The following CDHR5 variants were observed in gnomAD, a reference collection of about 807,000 sequenced individuals.
The protein encoded by CDHR5 is cadherin related family member 5, also known as cadherin-related family member 5.
In CDHR5, 82 loss-of-function variants were observed where a neutral mutation model predicts 69.5. The ratio of observed to expected loss-of-function variants is 1.18; its 90% CI spans 0.99 to 1.42. The LOEUF (loss-of-function observed/expected upper bound fraction) is 1.42, where lower values mean the gene tolerates loss of function less well. Ranked by LOEUF, CDHR5 falls within the 40% of genes most tolerant of loss-of-function variation. The probability of loss-of-function intolerance (pLI) is 0.00; values close to 1 mark genes in which losing one functional copy is unlikely to be tolerated. For missense variants in CDHR5, 1,293 were observed against 1,168.9 expected (o/e 1.11, Z -1.55); for synonymous variants, 601 against 510.2 (o/e 1.18, Z -2.40).
In CDHR5 at chr11:621,505, C is replaced by T. The variant is rs756604724; in HGVS notation, c.508-50G>A. The T allele has an allele frequency of 1.1e-5, 18 of 1,590,936 alleles. No homozygotes were observed. The Admixed American group carries it at 1.3e-4, about 12-fold the overall frequency. On this transcript the variant is annotated intron_variant, in intron 5 of 14. Transcript: ENST00000397542. This position sits in a 1 kb window ranked among gnomAD's most constrained non-coding sequence, Gnocchi z 4.4. ...GCCTAAGAGCCTTGGAGGGCGAGGGCGGCTGTGGGTGTCAGAGGCGAGGGG... is the reference window on the plus strand; with the variant it reads ...GCCTAAGAGCCTTGGAGGGCGAGGGTGGCTGTGGGTGTCAGAGGCGAGGGG...
chr11:618,379 G>A (rs61877858), intron 13 of CDHR5, among the ~76,000 whole-genome samples: 5,650 of 152,298 alleles, frequency 0.037, 176 homozygotes, highest in Admixed American at 0.11. Context: ...CGTGGGAATC[G>A]TGGGATTCGC....
chr11:617,090 G>C lies in CDHR5; in HGVS notation c.*261C>G. 1 of 523,432 alleles carries C rather than the reference G, an allele frequency of 1.9e-6. No individual in the cohort carries two copies. The highest frequency in any genetic ancestry group is 2.8e-5 in the South Asian group (1 of 36,348). 32.4% of individuals were successfully genotyped at this position (523,432 alleles called of 1,614,324 possible). A position where few individuals can be genotyped will look rare whatever the true frequency, so the allele number is the denominator to read the frequency against. On this transcript the variant is annotated 3_prime_UTR_variant, in exon 15 of 15. Coordinates refer to ENST00000397542, the MANE Select transcript of CDHR5 (RefSeq NM_021924.5). The stretch of plus-strand genomic sequence containing the variant: ...GGCACAGAGCCTCGGGAAGGCGGCG[G>C]GCACTGCAGGTGGTTTACGGGAAGT...
At chr11:620,201 T>G (rs1564897213) in intron 8 of CDHR5, 37 bp from the exon 9 acceptor site, 1 of 1,596,306 alleles carries the variant, frequency 6.3e-7, no homozygotes, top group African/African-American at 1.3e-5. Flanking sequence ...CCCGGCCCCC[T>G]GAGGCCCAGG....
chr11:618,056 G>C lies in CDHR5; in HGVS notation c.2016C>G (p.Gly672=). The change falls in exon 14 of 15, where the codon GGC becomes GGG. Residue 672 remains glycine, a synonymous_variant. Coordinates refer to ENST00000397542, the MANE Select transcript of CDHR5 (RefSeq NM_021924.5). The part of the protein sequence containing the change: ...RFSVVDMAAL[G]GVLGALLLLA... ...GCAGCAGCAGCGCACCCAGCACCCC[G>C]CCCAGGGCCGCCATATCCACCACCG... 1 of 1,611,794 alleles carries C rather than the reference G, an allele frequency of 6.2e-7. No homozygotes were observed. The highest frequency in any genetic ancestry group is 1.3e-5 in the African/African-American group (1 of 74,976).
chr11:616,980 T>A lies in CDHR5; in HGVS notation c.*371A>T, dbSNP rs1002491176. The A allele has an allele frequency of 2.3e-5, 6 of 263,976 alleles. No homozygotes were observed. The East Asian group carries it at 3.1e-4, about 13-fold the overall frequency. 16.4% of individuals were successfully genotyped at this position (263,976 alleles called of 1,614,324 possible). A position where few individuals can be genotyped will look rare whatever the true frequency, so the allele number is the denominator to read the frequency against. On this transcript the variant is annotated 3_prime_UTR_variant, in exon 15 of 15. Coordinates refer to ENST00000397542, the MANE Select transcript of CDHR5 (RefSeq NM_021924.5). ...AGCGGGAGGTCTGAGATGAGCCGGG[T>A]GCCTGAGATCTCCGGTGCAGGTCGG...
At position 617,584 on chromosome 11, in the gene CDHR5, C is replaced by G. The variant is rs370576784; in HGVS notation, c.2305G>C (p.Gly769Arg). Reference protein sequence around the residue: ...PEPPAAARAGGSPTAVRSILT... With the variant: ...PEPPAAARAGRSPTAVRSILT... ...ATGGACCTCACCGCCGTGGGGCTTCCGCCAGCTCGGGCCGCTGCGGGGGGC... is the reference window on the plus strand; with the variant it reads ...ATGGACCTCACCGCCGTGGGGCTTCGGCCAGCTCGGGCCGCTGCGGGGGGC... Residue 769 changes from glycine (G) to arginine (R), a missense_variant, in exon 15 of 15, where the codon GGA becomes CGA. Gly to Arg is a moderately radical substitution (Grantham distance 125). Coordinates refer to ENST00000397542, the MANE Select transcript of CDHR5 (RefSeq NM_021924.5). 6.2e-7 allele frequency: 1 copy of G among 1,610,494 alleles called. No individual in the cohort carries two copies. Among genetic ancestry groups the G allele is most frequent in the Non-Finnish European group, 8.5e-7 (1 of 1,178,836 alleles).
In CDHR5 at chr11:619,863, C is replaced by T. The variant is rs778272100; in HGVS notation, c.997G>A (p.Ala333Thr). 5 of 1,550,426 alleles carry T rather than the reference C, an allele frequency of 3.2e-6. No homozygotes were observed. The highest frequency in any genetic ancestry group is 4.3e-6 in the Non-Finnish European group (5 of 1,151,568). Residue 333 changes from alanine to threonine, a missense_variant, in exon 10 of 15, where the codon GCC becomes ACC. Physicochemically the swap from Ala to Thr is moderately conservative, Grantham distance 58 (BLOSUM62 0). Coordinates refer to ENST00000397542, the MANE Select transcript of CDHR5 (RefSeq NM_021924.5). ...LLVKGQQADL[A>T]RYSVTQVTVE... ...GTGACCTGGGTCACTGAGTAGCGGG[C>T]AAGGTCGGCCTGTTGGCCCTGGAGG... is the stretch of plus-strand genomic sequence containing the variant.
chr11:618,568 CAG>C, intron 13 of CDHR5, 29 bp downstream of exon 13: 1 of 1,611,346 alleles, frequency 6.2e-7, no homozygotes, highest in Non-Finnish European at 8.5e-7. Flanking sequence ...TGACCGGAGT[CAG>C]GGAGGGAAGG....
rs184682723 is a variant in CDHR5 at position 619,995 on chromosome 11, C to G, written c.978+72G>C. On this transcript the variant is annotated intron_variant, in intron 9 of 14. Coordinates refer to ENST00000397542, the MANE Select transcript of CDHR5 (RefSeq NM_021924.5). ...TGGCGGGGGCCCTGCCCCGGCCCCC[C>G]AGCCCTGACCCCCCGCCCTACCTTC... The G allele has an allele frequency of 3.4e-3, 4,271 of 1,249,112 alleles. 12 individuals carry two copies. The highest frequency in any genetic ancestry group is 4.2e-3 in the Non-Finnish European group (3,851 of 911,668). The allele number at this position is 1,249,112 out of a possible 1,614,324, so 77.4% of individuals were successfully genotyped here.
chr11:624,613 A>C lies in CDHR5; in HGVS notation c.205T>G (p.Phe69Val), dbSNP rs1191462766. Residue 69 changes from phenylalanine (F) to valine (V), a missense_variant, in exon 2 of 15, where the codon TTT becomes GTT. Transcript: ENST00000397542. This position sits in a 1 kb window ranked among gnomAD's most constrained non-coding sequence, Gnocchi z 5.3. ...TGGTTTCCCTGGATCCGAAATGCAAAGGGGGTGGACAAGGCTCCGAGGGTC... is the reference window on the plus strand; with the variant it reads ...TGGTTTCCCTGGATCCGAAATGCAACGGGGGTGGACAAGGCTCCGAGGGTC... ...EVTLGALSTP[F>V]AFRIQGNQLF... 1.9e-6 allele frequency: 3 copies of C among 1,612,452 alleles called. No individual in the cohort carries two copies. Among genetic ancestry groups the C allele is most frequent in the Non-Finnish European group, 2.5e-6 (3 of 1,178,808 alleles).
chr11:618,551 C>T (rs757699543), intron 13 of CDHR5, 48 bp downstream of exon 13: 9 of 1,602,242 alleles, frequency 5.6e-6, no homozygotes, highest in African/African-American at 1.3e-5. Context: ...TTTCCCATAC[C>T]AGCCAATGAC....
At position 619,195 on chromosome 11, in the gene CDHR5, C is replaced by A; in HGVS notation, c.1379-15G>T. On this transcript the variant is annotated splice_polypyrimidine_tract_variant and intron_variant, in intron 12 of 14. Coordinates refer to ENST00000397542, the MANE Select transcript of CDHR5 (RefSeq NM_021924.5). ...TGGGGGGACATCTGGGGGCCGGGAACAGTGCTTGGGCTTGCCTCTGCCCGC... is the reference window on the plus strand; with the variant it reads ...TGGGGGGACATCTGGGGGCCGGGAAAAGTGCTTGGGCTTGCCTCTGCCCGC... The A allele has an allele frequency of 6.6e-7, 1 of 1,505,370 alleles. No homozygotes were observed. The highest frequency in any genetic ancestry group is 2.3e-5 in the East Asian group (1 of 43,212). The allele number at this position is 1,505,370 out of a possible 1,614,324, so 93.3% of individuals were successfully genotyped here.
rs369394657 is a variant in CDHR5, at chr11:617,337, G to T, written c.*14C>A. The T allele has an allele frequency of 2.7e-5, 43 of 1,574,056 alleles. No individual in the cohort carries two copies. The African/African-American group carries it at 5.1e-4, about 19-fold the overall frequency. ...CAGTGCCCGTGCGGCTGGGGGAGAG[G>T]GTGGAGGGGCCACTTAGATGTAGGA... On this transcript the variant is annotated 3_prime_UTR_variant, in exon 15 of 15. Coordinates refer to ENST00000397542, the MANE Select transcript of CDHR5 (RefSeq NM_021924.5).
At chr11:618,521 G>C in intron 13 of CDHR5, 78 bp downstream of exon 13, 1 of 1,533,688 alleles carries the variant, frequency 6.5e-7, no homozygotes, top group Non-Finnish European at 8.9e-7. Context: ...GTCAGCCTGG[G>C]GTGGACCCTT....
Position 620,336 on chromosome 11 carries a change from G to C in CDHR5, c.840C>G (p.Asp280Glu), listed in dbSNP as rs757785437. 15 of 1,612,828 alleles carry C rather than the reference G, an allele frequency of 9.3e-6. No homozygotes were observed. The highest frequency in any genetic ancestry group is 1.3e-5 in the Non-Finnish European group (15 of 1,179,352). Residue 280 changes from aspartate to glutamate, a missense_variant, in exon 8 of 15, where the codon GAC becomes GAG. By Grantham distance (45) the Asp-to-Glu change is conservative (BLOSUM62 2). Transcript: ENST00000397542. ...RPGPIYAEDG[D>E]RGINQPIIYS... is the part of the protein sequence containing the mutation. ...AGATGATGGGCTGGTTGATGCCGCGGTCTCCGTCCTCAGCGTAGATGGGTC... is the reference window on the plus strand; with the variant it reads ...AGATGATGGGCTGGTTGATGCCGCGCTCTCCGTCCTCAGCGTAGATGGGTC...
chr11:621,411 G>A lies in CDHR5; in HGVS notation c.552C>T (p.Ala184=). ...AGTCCAGGGGCCGGTCCAGCCTCAG[G>A]GCGGGACGGTTTACACTCACCAGGG... ...YFSLVSVNRP[A]LRLDRPLDFY... The change falls in exon 6 of 15, where the codon GCC becomes GCT. Residue 184 remains alanine (A), a synonymous_variant. Transcript: ENST00000397542. The surrounding 1 kb of genome is among the most constrained non-coding windows in gnomAD (Gnocchi z 4.4). 1.2e-6 allele frequency: 2 copies of A among 1,612,838 alleles called. No homozygotes were observed.
intron 7 of CDHR5, 23 bp from the exon 8 acceptor site, chr11:620,409 G>A (rs1046098243): frequency 6.5e-7 from 1 of 1,534,646 alleles, no homozygotes; most frequent in Non-Finnish European, 8.9e-7. Context: ...CGGAAGGGAG[G>A]GCACGTCGTG....
rs1485958763 is a variant in CDHR5 at position 622,104 on chromosome 11, CGTGA to C, written c.313-204_313-201del. On this transcript the variant is annotated intron_variant, in intron 3 of 14. Coordinates refer to ENST00000397542, the MANE Select transcript of CDHR5 (RefSeq NM_021924.5). ...CCCCTCAACGGCCACCCGTCCCCGC[CGTGA>C]GTGAGGTGCACCCCTCAACGGCCAC... 4.6e-5 allele frequency among the ~76,000 whole-genome samples: 7 copies of C among 151,730 alleles called. No homozygotes were observed. In the South Asian group the frequency reaches 6.2e-4, roughly 14 times the overall value.
Position 621,498 on chromosome 11 carries a change from G to C in CDHR5, c.508-43C>G. 1 of 1,595,428 alleles carries C rather than the reference G, an allele frequency of 6.3e-7. No homozygotes were observed. Among genetic ancestry groups the C allele is most frequent in the African/African-American group, 1.3e-5 (1 of 74,598 alleles). On this transcript the variant is annotated intron_variant, in intron 5 of 14. Coordinates refer to ENST00000397542, the MANE Select transcript of CDHR5 (RefSeq NM_021924.5). The surrounding 1 kb of genome is among the most constrained non-coding windows in gnomAD (Gnocchi z 4.4). ...GGACAGAGCCTAAGAGCCTTGGAGGGCGAGGGCGGCTGTGGGTGTCAGAGG... is the reference window on the plus strand; with the variant it reads ...GGACAGAGCCTAAGAGCCTTGGAGGCCGAGGGCGGCTGTGGGTGTCAGAGG...
Sources: allele counts gnomAD v4.1 joint callset (sites outside exome capture counted in the v4.1 genomes callset), GRCh38; gene constraint gnomAD v4.1.1; non-coding constraint Gnocchi (gnomAD v3.1); transcripts MANE v1.5; gene names NCBI Gene and HGNC (gene_info 2026-07-23, HGNC 2026-07-21).